ATP9B: variants seen among roughly 807,000 people sequenced by gnomAD.
ATP9B encodes the protein ATPase phospholipid transporting 9B.
In ATP9B, 110 loss-of-function variants were observed where a neutral mutation model predicts 146.1. The ratio of observed to expected loss-of-function variants is 0.75; its 90% CI spans 0.65 to 0.88. The LOEUF is 0.88. Ranked by LOEUF, ATP9B falls within the 40% of genes least tolerant of loss-of-function variation. The pLI, the probability that ATP9B is intolerant of heterozygous loss-of-function variation, is 0.00. For missense variants in ATP9B, 1,499 were observed against 1,496.4 expected, an observed-to-expected ratio of 1.00 and a Z score of -0.03; for synonymous variants, 604 against 569.7, an observed-to-expected ratio of 1.06 and a Z score of -0.86.
intron 13 of ATP9B, among the ~76,000 whole-genome samples, chr18:79,290,993 G>T (rs1406928743): frequency 6.6e-6 from 1 of 152,120 alleles, no homozygotes; most frequent in Non-Finnish European, 1.5e-5. Flanking sequence ...GGAATATGTG[G>T]TCCGAAACCT....
intron 12 of ATP9B, 123 bp downstream of exon 12, chr18:79,253,664 T>G: frequency 9.5e-7 from 1 of 1,053,144 alleles, no homozygotes; most frequent in Non-Finnish European, 1.3e-6. Context: ...AGCCAGAAGT[T>G]CTGAGGAATC....
chr18:79,095,951 A>G (rs1208463500), intron 1 of ATP9B, among the ~76,000 whole-genome samples: 5 of 152,250 alleles, frequency 3.3e-5, no homozygotes, highest in South Asian at 2.1e-4. Context: ...TAAATGGGAC[A>G]TAGCATCATT....
intron 1 of ATP9B, among the ~76,000 whole-genome samples, chr18:79,076,913 G>A (rs1318866080): frequency 6.6e-6 from 1 of 151,290 alleles, no homozygotes; most frequent in African/African-American, 2.4e-5. Context: ...CGTTTTTTTA[G>A]TTTTACTGTT....
intron 11 of ATP9B, among the ~76,000 whole-genome samples, chr18:79,237,774 C>A (rs2095855861): frequency 6.6e-6 from 1 of 151,870 alleles, no homozygotes; most frequent in Non-Finnish European, 1.5e-5. Context: ...GCAGCCTCAA[C>A]CTCCTGGGCC....
chr18:79,275,105 C>CT (rs770520913), intron 12 of ATP9B, among the ~76,000 whole-genome samples: 3 of 152,192 alleles, frequency 2.0e-5, no homozygotes, highest in Admixed American at 6.5e-5. Flanking sequence ...TGACACAAAT[C>CT]TGAAAGAACA....
intron 1 of ATP9B, among the ~76,000 whole-genome samples, chr18:79,093,212 ACTTTTAAT>A (rs1295994670): frequency 6.6e-6 from 1 of 151,858 alleles, no homozygotes; most frequent in East Asian, 1.9e-4. Context: ...CATTTTTTTT[ACTTTTAAT>A]CTTTTAAAGT....
intron 11 of ATP9B, among the ~76,000 whole-genome samples, chr18:79,229,126 G>A (rs2095764462): frequency 6.6e-6 from 1 of 152,162 alleles, no homozygotes. Flanking sequence ...GTTACTGTTG[G>A]TGCTGATGTG....
intron 8 of ATP9B, among the ~76,000 whole-genome samples, chr18:79,191,544 T>C (rs961559138): frequency 1.3e-5 from 2 of 152,236 alleles, no homozygotes; most frequent in Non-Finnish European, 2.9e-5. Context: ...TTTTGAATCA[T>C]TATCTCTTGA....
At chr18:79,296,713 C>T (rs1019461467) in intron 13 of ATP9B, among the ~76,000 whole-genome samples, 4 of 152,252 alleles carry the variant, frequency 2.6e-5, no homozygotes, top group Non-Finnish European at 2.9e-5. Flanking sequence ...AAATTAGGCT[C>T]GTTATCATTA....
intron 2 of ATP9B, among the ~76,000 whole-genome samples, chr18:79,106,472 G>C (rs1371815369): frequency 3.3e-5 from 5 of 152,144 alleles, no homozygotes; most frequent in Non-Finnish European, 5.9e-5. Context: ...TGACTCCCCT[G>C]TATAGTGGTT....
At chr18:79,282,845 A>G (rs982205913) in intron 13 of ATP9B, among the ~76,000 whole-genome samples, 4 of 152,112 alleles carry the variant, frequency 2.6e-5, no homozygotes, top group Non-Finnish European at 5.9e-5. Context: ...CCCCCCAACT[A>G]TGTGTGATGT....
intron 26 of ATP9B, among the ~76,000 whole-genome samples, chr18:79,369,670 G>A (rs985490059): frequency 1.3e-5 from 2 of 152,200 alleles, no homozygotes; most frequent in African/African-American, 4.8e-5. Flanking sequence ...CCCATGCCAC[G>A]GTGCCGATCC....
intron 3 of ATP9B, 77 bp downstream of exon 3, chr18:79,110,582 TGA>T (rs1263376061): frequency 1.4e-6 from 2 of 1,403,770 alleles, no homozygotes; most frequent in Non-Finnish European, 9.6e-7. Context: ...TGGAGCCTGT[TGA>T]GACTCTGACT....
At chr18:79,327,736 AGCG>A (rs2096763369) in intron 15 of ATP9B, among the ~76,000 whole-genome samples, 1 of 126,464 alleles carries the variant, frequency 7.9e-6, no homozygotes, top group African/African-American at 3.2e-5. Context: ...CGCCGTGGTT[AGCG>A]TGCTCTCCGT....
intron 7 of ATP9B, among the ~76,000 whole-genome samples, chr18:79,166,822 C>G (rs527467292): frequency 6.6e-6 from 1 of 152,160 alleles, no homozygotes; most frequent in African/African-American, 2.4e-5. Flanking sequence ...CTTGGCCCAG[C>G]AGGCTTTGCT....
In ATP9B at chr18:79,359,344, G is replaced by A; in HGVS notation, c.2904-10G>A. On this transcript the variant is annotated splice_polypyrimidine_tract_variant and intron_variant, in intron 25 of 29. Coordinates refer to ENST00000426216, the MANE Select transcript of ATP9B (RefSeq NM_198531.5). ...CTCACGCCCATTGCACTCCGCTCTT[G>A]GTCTTGCAGGTATGCCACCATATAC... 3.1e-6 allele frequency: 5 copies of A among 1,599,074 alleles called. No individual in the cohort carries two copies. Among genetic ancestry groups the A allele is most frequent in the Non-Finnish European group, 4.3e-6 (5 of 1,166,734 alleles).
intron 15 of ATP9B, among the ~76,000 whole-genome samples, chr18:79,327,708 CT>C (rs2096762676): frequency 7.0e-6 from 1 of 143,492 alleles, no homozygotes; most frequent in African/African-American, 2.7e-5. Flanking sequence ...AGTGTGCTCT[CT>C]CCATGGTTAG....
At chr18:79,304,728 G>C (rs115913937) in intron 14 of ATP9B, among the ~76,000 whole-genome samples, 3,229 of 152,250 alleles carry the variant, frequency 0.021, 54 homozygotes, top group Middle Eastern at 0.044. Context: ...TGGCCCTGAG[G>C]AGTGTTTCCT....
rs146925146 is a variant in ATP9B at position 79,310,513 on chromosome 18, G to A, written c.1773+3279G>A. Among the ~76,000 whole-genome samples, 98 of 152,330 alleles carry A rather than the reference G, an allele frequency of 6.4e-4. 2 individuals carry two copies. Among genetic ancestry groups the A allele is most frequent in the African/African-American group, 2.3e-3 (94 of 41,596 alleles). On this transcript the variant is annotated intron_variant, in intron 15 of 29. Coordinates refer to ENST00000426216, the MANE Select transcript of ATP9B (RefSeq NM_198531.5). ...ACTTTAAAATTGCCTGAAAGCAGGA[G>A]TCTCTTGTCTAGGCTTCTAGAAGCA...
Sources: gnomAD v4.1 joint callset for allele counts (sites outside exome capture counted in the v4.1 genomes callset) on GRCh38, gnomAD v4.1.1 for gene constraint, MANE v1.5 for transcripts, NCBI Gene and HGNC (gene_info 2026-07-23, HGNC 2026-07-21) for gene names.